SMAD7: variants seen among roughly 807,000 people sequenced by gnomAD.
SMAD7 encodes SMAD family member 7, also known as MAD (mothers against decapentaplegic, Drosophila) homolog 7.
A neutral mutation model predicts 38.7 loss-of-function variants in SMAD7; 8 were observed. The observed-to-expected ratio is 0.21, with a 90% confidence interval of 0.12 to 0.37. The LOEUF (loss-of-function observed/expected upper bound fraction) is 0.37. SMAD7 is among the 10% of genes least tolerant of loss of function. The probability of loss-of-function intolerance (pLI) is 1.00; values close to 1 mark genes in which losing one functional copy is unlikely to be tolerated. For synonymous variants in SMAD7, 327 were observed against 265.1 expected (o/e 1.23, Z -2.27); for missense variants, 477 against 577.9 (o/e 0.83, Z 1.79).
chr18:48,948,263 C>A, intron 2 of SMAD7, 121 bp downstream of exon 2: 2 of 612,318 alleles, frequency 3.3e-6, no homozygotes, highest in South Asian at 2.4e-5. Context: ...ACAGAGGAAA[C>A]CTAGAACCAA....
At chr18:48,934,469 A>T (rs2070040448) in intron 3 of SMAD7, among the ~76,000 whole-genome samples, 1 of 152,006 alleles carries the variant, frequency 6.6e-6, no homozygotes, top group Admixed American at 6.6e-5. Context: ...AAAAAATACA[A>T]TCTTTTTTTT....
intron 3 of SMAD7, among the ~76,000 whole-genome samples, chr18:48,929,784 C>T (rs2069974692): frequency 6.6e-6 from 1 of 151,980 alleles, no homozygotes; most frequent in African/African-American, 2.4e-5. Flanking sequence ...CCCAGGCTAC[C>T]AGGACCCCTA....
At position 48,948,539 on chromosome 18, in the gene SMAD7, G is replaced by A. The variant is rs1282218964; in HGVS notation, c.614-102C>T. The A allele has an allele frequency of 3.7e-6, 3 of 820,202 alleles. No homozygotes were observed. The East Asian group carries it at 9.1e-5, about 25-fold the overall frequency. 50.8% of individuals were successfully genotyped at this position (820,202 alleles called of 1,614,324 possible). On this transcript the variant is annotated intron_variant, in intron 1 of 3. Coordinates refer to ENST00000262158, the MANE Select transcript of SMAD7 (RefSeq NM_005904.4). ...TCTTTTAGCCCAACTGTTTGTCTTA[G>A]CTGTGGGGGTTGGAGGCAGGGCCGC...
chr18:48,946,850 G>A (rs987126205), intron 2 of SMAD7, among the ~76,000 whole-genome samples: 2 of 152,194 alleles, frequency 1.3e-5, no homozygotes, highest in Non-Finnish European at 2.9e-5. Flanking sequence ...AAACCCAAGG[G>A]AACATGGCCT....
At chr18:48,943,042 C>A (rs2070159836) in intron 2 of SMAD7, among the ~76,000 whole-genome samples, 1 of 152,182 alleles carries the variant, frequency 6.6e-6, no homozygotes, top group African/African-American at 2.4e-5. Flanking sequence ...GGACTTCTTT[C>A]CCCTTTTTTA....
intron 3 of SMAD7, among the ~76,000 whole-genome samples, chr18:48,931,661 G>C (rs956677218): frequency 6.6e-6 from 1 of 152,192 alleles, no homozygotes; most frequent in Non-Finnish European, 1.5e-5. Flanking sequence ...AAATCCAAGA[G>C]ACAAAGATCA....
intron 3 of SMAD7, among the ~76,000 whole-genome samples, chr18:48,924,687 T>G (rs1374819467): frequency 6.6e-6 from 1 of 152,120 alleles, no homozygotes; most frequent in Non-Finnish European, 1.5e-5. Flanking sequence ...GCAGGGAGAC[T>G]CCTGCCTGCT....
chr18:48,922,811 A>G (rs1217285367), intron 3 of SMAD7, among the ~76,000 whole-genome samples: 2 of 151,904 alleles, frequency 1.3e-5, no homozygotes, highest in East Asian at 3.9e-4. Flanking sequence ...TGGAGCCTGC[A>G]GGGCGCCCTG....
chr18:48,922,972 G>A (rs1162851653), intron 3 of SMAD7, among the ~76,000 whole-genome samples: 2 of 152,194 alleles, frequency 1.3e-5, no homozygotes, highest in Non-Finnish European at 2.9e-5. Flanking sequence ...GGAGGGAAAG[G>A]GAGCCCCGGC....
rs577029316 is a variant in SMAD7, at chr18:48,923,509, T to C, written c.743-1599A>G. Among the ~76,000 whole-genome samples, 3 of 152,252 alleles carry C rather than the reference T, an allele frequency of 2.0e-5. No homozygotes were observed. In the East Asian group the frequency reaches 5.8e-4, roughly 29 times the overall value. On this transcript the variant is annotated intron_variant, in intron 3 of 3. Transcript: ENST00000262158. ...TTGTTGTTTTAAGTAGCAGCCAGTG[T>C]TGGATGGAGGTGCCCGTCAGTAAGG...
At chr18:48,945,021 C>T (rs1170705164) in intron 2 of SMAD7, among the ~76,000 whole-genome samples, 1 of 152,158 alleles carries the variant, frequency 6.6e-6, no homozygotes, top group Non-Finnish European at 1.5e-5. Context: ...GCTGGGAGTC[C>T]CACGATAGTC....
At chr18:48,937,264 ATGTGTG>A (rs71165354) in intron 3 of SMAD7, among the ~76,000 whole-genome samples, 168 of 119,872 alleles carry the variant, frequency 1.4e-3, no homozygotes, top group Middle Eastern at 4.1e-3. Flanking sequence ...AAGTAAAGGC[ATGTGTG>A]TGTGTGTGTG....
At chr18:48,946,193 T>C (rs1428652962) in intron 2 of SMAD7, among the ~76,000 whole-genome samples, 2 of 152,214 alleles carry the variant, frequency 1.3e-5, no homozygotes, top group African/African-American at 2.4e-5. Context: ...GTTAAGATTT[T>C]AACAGTTGTC....
At chr18:48,922,170 C>G (rs2069870589) in intron 3 of SMAD7, among the ~76,000 whole-genome samples, 1 of 152,226 alleles carries the variant, frequency 6.6e-6, no homozygotes, top group Admixed American at 6.5e-5. Context: ...AGTACACCAG[C>G]ATCTGTGCCC....
intron 3 of SMAD7, among the ~76,000 whole-genome samples, chr18:48,924,526 C>G (rs779888200): frequency 6.8e-4 from 104 of 152,184 alleles, no homozygotes; most frequent in Non-Finnish European, 1.3e-3. Flanking sequence ...CTGTGCAGCC[C>G]GCCAGCAATG....
intron 3 of SMAD7, among the ~76,000 whole-genome samples, chr18:48,923,094 C>T (rs2143754420): frequency 6.6e-6 from 1 of 152,296 alleles, no homozygotes; most frequent in Admixed American, 6.5e-5. Flanking sequence ...TTTGTGGCAG[C>T]AGGGTGGAGA....
intron 3 of SMAD7, among the ~76,000 whole-genome samples, chr18:48,937,264 A>ATGTGTGTGTGTG (rs71165354): frequency 0.048 from 5,790 of 119,748 alleles, 252 homozygotes; most frequent in African/African-American, 0.057. Flanking sequence ...AAGTAAAGGC[A>ATGTGTGTGTGTG]TGTGTGTGTG....
At position 48,950,409 on chromosome 18, in the gene SMAD7, G is replaced by C. The variant is rs1319311242; in HGVS notation, c.16C>G (p.Arg6Gly). 6.4e-7 allele frequency: 1 copy of C among 1,553,410 alleles called. No homozygotes were observed. The highest frequency in any genetic ancestry group is 8.7e-7 in the Non-Finnish European group (1 of 1,151,558). MFRTKRSALVRRLWRS... is the reference protein window; with the variant it reads MFRTKGSALVRRLWRS... ...CAGAGACGCCGGACGAGCGCAGATCGTTTGGTCCTGAACATGCGGGGCGAG... is the reference window on the plus strand; with the variant it reads ...CAGAGACGCCGGACGAGCGCAGATCCTTTGGTCCTGAACATGCGGGGCGAG... The change falls in exon 1 of 4, where the codon CGA becomes GGA. Residue 6 changes from arginine (R) to glycine (G), a missense_variant. Coordinates refer to ENST00000262158, the MANE Select transcript of SMAD7 (RefSeq NM_005904.4).
At chr18:48,947,902 CCCT>C (rs2070214294) in intron 2 of SMAD7, among the ~76,000 whole-genome samples, 1 of 150,760 alleles carries the variant, frequency 6.6e-6, no homozygotes, top group Non-Finnish European at 1.5e-5. Context: ...ACCCCCCCCC[CCCT>C]TTTACTGGCT....
Sources: gnomAD v4.1 joint callset for allele counts (sites outside exome capture counted in the v4.1 genomes callset) on GRCh38, gnomAD v4.1.1 for gene constraint, MANE v1.5 for transcripts, NCBI Gene and HGNC (gene_info 2026-07-23, HGNC 2026-07-21) for gene names.